LIG1: variants seen among roughly 807,000 people sequenced by gnomAD.
LIG1 encodes the protein DNA ligase 1.
A neutral mutation model predicts 115.7 loss-of-function variants in LIG1; 70 were observed. The ratio of observed to expected loss-of-function variants is 0.60; its 90% CI spans 0.50 to 0.74. The LOEUF is 0.74. LIG1 is among the 30% of genes least tolerant of loss of function. The probability of loss-of-function intolerance (pLI) is 0.00; values close to 1 mark genes in which losing one functional copy is unlikely to be tolerated. For synonymous variants in LIG1, 487 were observed against 495.3 expected, an observed-to-expected ratio of 0.98 and a Z score of 0.22; for missense variants, 1,115 against 1,225.6, an observed-to-expected ratio of 0.91 and a Z score of 1.35.
Position 48,151,217 on chromosome 19 carries a change from G to C in LIG1, c.574+15C>G. The C allele has an allele frequency of 6.4e-7, 1 of 1,554,320 alleles. No individual in the cohort carries two copies. The highest frequency in any genetic ancestry group is 8.9e-7 in the Non-Finnish European group (1 of 1,125,580). ...AGGAGGTGGGGCAGGGCGGAGGAGA[G>C]GACCAGAAACTCACTGGAGGTCTTT... On this transcript the variant is annotated intron_variant, in intron 7 of 27. Coordinates refer to ENST00000263274, the MANE Select transcript of LIG1 (RefSeq NM_000234.3).
chr19:48,138,214 C>A (rs1206495874), intron 12 of LIG1, among the ~76,000 whole-genome samples: 1 of 152,102 alleles, frequency 6.6e-6, no homozygotes, highest in Non-Finnish European at 1.5e-5. Context: ...GGAGATGGAG[C>A]CTCAAGTCAC....
At chr19:48,146,075 T>C (rs953826018) in intron 9 of LIG1, 14 of 152,182 alleles carry the variant, frequency 9.2e-5, no homozygotes, top group African/African-American at 3.1e-4. Flanking sequence ...GAAGAGTGGG[T>C]GGAAGAACAT....
At chr19:48,120,454 G>A (rs1237236651) in intron 24 of LIG1, 4 of 985,222 alleles carry the variant, frequency 4.1e-6, no homozygotes, top group Admixed American at 6.2e-5. Flanking sequence ...ACGATTCTAG[G>A]TGATATTTTG....
intron 18 of LIG1, among the ~76,000 whole-genome samples, chr19:48,131,643 G>A (rs2034030737): frequency 1.3e-5 from 2 of 151,916 alleles, no homozygotes; most frequent in South Asian, 4.1e-4. Context: ...ATTTTTAGTA[G>A]AGCCAGGCTG....
At position 48,137,708 on chromosome 19, in the gene LIG1, T is replaced by C. The variant is rs572540476; in HGVS notation, c.1088-20A>G. The stretch of plus-strand genomic sequence containing the variant: ...GCCGACCTTCAGGGGAGAGCGCGGG[T>C]GGGGGTGTCGAGGGTGACAGTTGTG... On this transcript the variant is annotated intron_variant, in intron 12 of 27. Coordinates refer to ENST00000263274, the MANE Select transcript of LIG1 (RefSeq NM_000234.3). The surrounding 1 kb of genome is among the most constrained non-coding windows in gnomAD (Gnocchi z 4.3). 2.2e-5 allele frequency: 35 copies of C among 1,599,730 alleles called. No homozygotes were observed. Among genetic ancestry groups the C allele is most frequent in the Non-Finnish European group, 2.6e-5 (31 of 1,179,408 alleles).
chr19:48,141,083 G>A (rs2034717338), intron 11 of LIG1, among the ~76,000 whole-genome samples: 1 of 152,256 alleles, frequency 6.6e-6, no homozygotes, highest in Admixed American at 6.5e-5. Context: ...GATCAGCCCA[G>A]AGAAACGACA....
chr19:48,161,156 C>A, intron 4 of LIG1: 1 of 624,102 alleles, frequency 1.6e-6, no homozygotes, highest in Middle Eastern at 4.4e-4. Context: ...ACAGTTGAGG[C>A]ATCCAAGACC....
rs186354840 is a variant in LIG1, at chr19:48,166,701, T to G, written c.-57-1078A>C. 8.5e-5 allele frequency among the ~76,000 whole-genome samples: 13 copies of G among 152,202 alleles called. No individual in the cohort carries two copies. In the East Asian group the frequency reaches 2.5e-3, roughly 29 times the overall value. On this transcript the variant is annotated intron_variant, in intron 1 of 27. Coordinates refer to ENST00000263274, the MANE Select transcript of LIG1 (RefSeq NM_000234.3). Reference sequence around the variant, plus strand: ...GAAAGGGTTCCTAGGCCGGGCGTGGTGGCTGCTGCCCATAATCCCAGCATT... The same window carrying G: ...GAAAGGGTTCCTAGGCCGGGCGTGGGGGCTGCTGCCCATAATCCCAGCATT...
In LIG1 at chr19:48,117,774, A is replaced by G; in HGVS notation, c.2447T>C (p.Val816Ala). ...EEHHQSLKALVLPSPRPYVRI... is the reference protein window; with the variant it reads ...EEHHQSLKALALPSPRPYVRI... ...CACGTAAGGGCGTGGGCTGGGCAGCACCAGCGCCTGCAGTGAGCAGAGGAA... is the reference window on the plus strand; with the variant it reads ...CACGTAAGGGCGTGGGCTGGGCAGCGCCAGCGCCTGCAGTGAGCAGAGGAA... The change falls in exon 26 of 28, where the codon GTG becomes GCG. Residue 816 changes from valine (V) to alanine (A), a missense_variant. Val to Ala is a moderately conservative substitution (Grantham distance 64). Coordinates refer to ENST00000263274, the MANE Select transcript of LIG1 (RefSeq NM_000234.3). 1 of 1,612,576 alleles carries G rather than the reference A, an allele frequency of 6.2e-7. No homozygotes were observed. Among genetic ancestry groups the G allele is most frequent in the East Asian group, 2.2e-5 (1 of 44,828 alleles).
intron 16 of LIG1, among the ~76,000 whole-genome samples, chr19:48,134,974 C>G (rs2034285799): frequency 6.6e-6 from 1 of 152,242 alleles, no homozygotes; most frequent in African/African-American, 2.4e-5. Context: ...CCACATGGCT[C>G]TCTCTGGAGC....
rs762424416 is a variant in LIG1 at position 48,121,304 on chromosome 19, C to G, written c.2251G>C (p.Asp751His). The G allele has an allele frequency of 6.2e-7, 1 of 1,601,776 alleles. No individual in the cohort carries two copies. The highest frequency in any genetic ancestry group is 2.2e-5 in the East Asian group (1 of 44,502). The change falls in exon 24 of 28, where the codon GAT (aspartate) becomes CAT (histidine). Residue 751 changes from aspartate (D) to histidine (H), a missense_variant. Physicochemically the swap from Asp to His is moderately conservative, Grantham distance 81 (BLOSUM62 -1). Transcript: ENST00000263274. ...NWLKLKKDYL[D>H]GVGDTLDLVV... ...AGGTCCAGGGTGTCACCCACGCCATCAAGGTAGTCCTTCTTCAGCTGGGAG... is the reference window on the plus strand; with the variant it reads ...AGGTCCAGGGTGTCACCCACGCCATGAAGGTAGTCCTTCTTCAGCTGGGAG...
chr19:48,132,836 G>C (rs1442336425), intron 18 of LIG1, 146 bp downstream of exon 18: 7 of 713,788 alleles, frequency 9.8e-6, no homozygotes, highest in South Asian at 4.2e-5. Flanking sequence ...TCACTGCATG[G>C]AGGTGGATGC....
chr19:48,170,194 A>C (rs2036733939), intron 1 of LIG1, 47 bp downstream of exon 1: 1 of 454,340 alleles, frequency 2.2e-6, no homozygotes, highest in Admixed American at 2.4e-5. Context: ...CATTCGGCGC[A>C]CCCGCCGCCC....
At position 48,157,023 on chromosome 19, in the gene LIG1, G is replaced by A. The variant is rs573726688; in HGVS notation, c.361C>T (p.Arg121Cys). The A allele has an allele frequency of 3.8e-5, 60 of 1,582,230 alleles. No individual in the cohort carries two copies. The highest frequency in any genetic ancestry group is 6.6e-5 in the South Asian group (6 of 90,706). Residue 121 changes from arginine to cysteine, a missense_variant, in exon 5 of 28, where the codon CGT (arginine) becomes TGT (cysteine). Arg to Cys is a radical substitution (Grantham distance 180, BLOSUM62 -3). Coordinates refer to ENST00000263274, the MANE Select transcript of LIG1 (RefSeq NM_000234.3). ...MDSSPSGIPKRRTARKQLPKR... is the reference protein window; with the variant it reads ...MDSSPSGIPKCRTARKQLPKR... ...GCCCGTGTGTTCTCACCTGTGCGAC[G>A]CTTCGGAATCCCTGATGGGGAACTG...
chr19:48,168,962 T>C (rs1395491449), intron 1 of LIG1, among the ~76,000 whole-genome samples: 1 of 152,096 alleles, frequency 6.6e-6, no homozygotes, highest in African/African-American at 2.4e-5. Flanking sequence ...TATATCTCAA[T>C]AAAGCGGTTA....
In LIG1 at chr19:48,137,858, GC is replaced by G; in HGVS notation, c.1088-171del. On this transcript the variant is annotated intron_variant, in intron 12 of 27. Transcript: ENST00000263274. This position sits in a 1 kb window ranked among gnomAD's most constrained non-coding sequence, Gnocchi z 4.3. ...TTGGTAGAAATGGCTTGGGGAACGT[GC>G]CCCCAGCCACGCTGGCTGTAGGAAG... 1 of 788,124 alleles carries G rather than the reference GC, an allele frequency of 1.3e-6. No individual in the cohort carries two copies. Among genetic ancestry groups the G allele is most frequent in the Non-Finnish European group, 2.1e-6 (1 of 487,588 alleles). 48.8% of individuals were successfully genotyped at this position (788,124 alleles called of 1,614,324 possible). A position where few individuals can be genotyped will look rare whatever the true frequency, so the allele number is the denominator to read the frequency against.
At chr19:48,160,368 C>T (rs540104005) in intron 4 of LIG1, among the ~76,000 whole-genome samples, 16 of 152,000 alleles carry the variant, frequency 1.1e-4, no homozygotes, top group African/African-American at 3.9e-4. Context: ...AGGTAGTGGC[C>T]CAGAGGTGGA....
chr19:48,154,379 G>T, intron 5 of LIG1: 1 of 281,618 alleles, frequency 3.6e-6, no homozygotes. Flanking sequence ...ACTAGCCCCA[G>T]GAGAGGCCCT....
Position 48,137,787 on chromosome 19 carries a change from G to T in LIG1, c.1088-99C>A. ...GGATGAATTTTCTCCAGCTGTGTGT[G>T]CTTGTGGCGAGTCCCTGCACCTCCC... On this transcript the variant is annotated intron_variant, in intron 12 of 27. Transcript: ENST00000263274. The surrounding 1 kb of genome is among the most constrained non-coding windows in gnomAD (Gnocchi z 4.3). 1 of 1,456,556 alleles carries T rather than the reference G, an allele frequency of 6.9e-7. No homozygotes were observed. Among genetic ancestry groups the T allele is most frequent in the Non-Finnish European group, 9.4e-7 (1 of 1,069,298 alleles). The allele number at this position is 1,456,556 out of a possible 1,614,324, so 90.2% of individuals were successfully genotyped here. A position where few individuals can be genotyped will look rare whatever the true frequency, so the allele number is the denominator to read the frequency against.
Sources: allele counts gnomAD v4.1 joint callset (sites outside exome capture counted in the v4.1 genomes callset), GRCh38; gene constraint gnomAD v4.1.1; non-coding constraint Gnocchi (gnomAD v3.1); transcripts MANE v1.5; gene names NCBI Gene and HGNC (gene_info 2026-07-23, HGNC 2026-07-21).